FRMD6: variants seen among roughly 807,000 people sequenced by gnomAD.
FRMD6 encodes the protein FERM domain-containing protein 6.
FRMD6 carries 37 observed loss-of-function variants against 73.2 expected under a neutral mutation model. The observed-to-expected ratio is 0.51, with a 90% CI of 0.39 to 0.66. FRMD6 has a LOEUF of 0.66. FRMD6 is among the 30% of genes least tolerant of loss of function. FRMD6 has a pLI of 0.00. For missense variants in FRMD6, 714 were observed against 780.5 expected, an observed-to-expected ratio of 0.91 and a Z score of 1.02; for synonymous variants, 273 against 282.2, an observed-to-expected ratio of 0.97 and a Z score of 0.33.
intron 1 of FRMD6, among the ~76,000 whole-genome samples, chr14:51,512,088 C>T (rs113505596): frequency 5.5e-4 from 83 of 152,140 alleles, no homozygotes; most frequent in African/African-American, 1.8e-3. Context: ...GAAATGAAGA[C>T]GGCTAACTTT....
rs200846457 is a variant in FRMD6 at position 51,729,129 on chromosome 14, C to G, written c.*1100C>G. 8 of 152,252 alleles carry G rather than the reference C, an allele frequency of 5.3e-5. No homozygotes were observed. The East Asian group carries it at 1.4e-3, about 26-fold the overall frequency. 9.4% of individuals were successfully genotyped at this position (152,252 alleles called of 1,614,324 possible). ...CTCATGTGCCTTTGGCCATGATTCTCAACACTGATTGTATAACAGAATTTT... is the reference window on the plus strand; with the variant it reads ...CTCATGTGCCTTTGGCCATGATTCTGAACACTGATTGTATAACAGAATTTT... On this transcript the variant is annotated 3_prime_UTR_variant, in exon 14 of 14. Coordinates refer to ENST00000344768, the MANE Select transcript of FRMD6 (RefSeq NM_001267046.2).
the FRMD6 span, among the ~76,000 whole-genome samples, chr14:51,426,664 A>G: frequency 6.6e-6 from 1 of 152,218 alleles, no homozygotes; most frequent in African/African-American, 2.4e-5. Context: ...AAGAGATGCC[A>G]GGTACCGTGA....
the FRMD6 span, among the ~76,000 whole-genome samples, chr14:51,468,277 G>T: frequency 6.9e-6 from 1 of 145,812 alleles, no homozygotes; most frequent in Non-Finnish European, 1.5e-5. Flanking sequence ...AGAGGGAGAC[G>T]GTGCAAAGGG....
At chr14:51,675,299 A>G (rs1417105656) in intron 1 of FRMD6, among the ~76,000 whole-genome samples, 2 of 152,092 alleles carry the variant, frequency 1.3e-5, no homozygotes, top group Non-Finnish European at 2.9e-5. Flanking sequence ...TCTTGGATCC[A>G]TGTTTCTATG....
At chr14:51,607,483 GTTTCTCAAAT>G (rs1480012707) in intron 2 of FRMD6, among the ~76,000 whole-genome samples, 1 of 152,156 alleles carries the variant, frequency 6.6e-6, no homozygotes, top group East Asian at 1.9e-4. Flanking sequence ...CTAGGTTCAA[GTTTCTCAAAT>G]TTACTTGACC....
intron 2 of FRMD6, among the ~76,000 whole-genome samples, chr14:51,608,322 A>G (rs1890348133): frequency 6.6e-6 from 1 of 152,186 alleles, no homozygotes. Context: ...TGGTTCTGTG[A>G]CCACCAGCTC....
chr14:51,569,507 C>CTTTTTTTTTTT (rs34661155), intron 1 of FRMD6, among the ~76,000 whole-genome samples: 21 of 122,796 alleles, frequency 1.7e-4, no homozygotes, highest in East Asian at 2.3e-4. Flanking sequence ...TTCTTTCTTT[C>CTTTTTTTTTTT]TTTTTTTTTT....
At chr14:51,589,977 A>G (rs914246892) in intron 2 of FRMD6, among the ~76,000 whole-genome samples, 1 of 150,928 alleles carries the variant, frequency 6.6e-6, no homozygotes, top group African/African-American at 2.4e-5. Flanking sequence ...CTTAGGTAGG[A>G]GAATTGCTTG....
the FRMD6 span, among the ~76,000 whole-genome samples, chr14:51,425,082 C>T: frequency 6.6e-6 from 1 of 152,166 alleles, no homozygotes; most frequent in Non-Finnish European, 1.5e-5. Context: ...GCAGCATTTG[C>T]CCCCAGCCCT....
the FRMD6 span, among the ~76,000 whole-genome samples, chr14:51,479,905 G>C: frequency 6.6e-6 from 1 of 152,190 alleles, no homozygotes; most frequent in Non-Finnish European, 1.5e-5. Context: ...ACTGTGTATT[G>C]ACTTCGTGGG....
At chr14:51,619,709 T>C (rs1890852996) in intron 2 of FRMD6, among the ~76,000 whole-genome samples, 1 of 152,216 alleles carries the variant, frequency 6.6e-6, no homozygotes, top group African/African-American at 2.4e-5. Context: ...GTTTTGTGCC[T>C]TCTAGCAGCT....
At chr14:51,567,264 T>C (rs1001986473) in intron 1 of FRMD6, among the ~76,000 whole-genome samples, 1 of 152,212 alleles carries the variant, frequency 6.6e-6, no homozygotes, top group Middle Eastern at 3.2e-3. Context: ...TTGAAACGAG[T>C]GAAGGTCAAA....
At chr14:51,586,124 G>A (rs766216241) in intron 2 of FRMD6, among the ~76,000 whole-genome samples, 3 of 151,208 alleles carry the variant, frequency 2.0e-5, no homozygotes, top group Non-Finnish European at 3.0e-5. Flanking sequence ...TGGTTTAAAC[G>A]ATAGGTCTGT....
chr14:51,511,401 G>C (rs1207314302), intron 1 of FRMD6, among the ~76,000 whole-genome samples: 1 of 152,212 alleles, frequency 6.6e-6, no homozygotes, highest in African/African-American at 2.4e-5. Context: ...AGGGCAAAGT[G>C]ATGTATTAGG....
chr14:51,436,726 G>C, the FRMD6 span: 2 of 537,724 alleles, frequency 3.7e-6, no homozygotes. Flanking sequence ...ACCTATTACA[G>C]TACTACTTGG....
At chr14:51,544,612 T>C (rs1168019285) in intron 1 of FRMD6, among the ~76,000 whole-genome samples, 1 of 152,046 alleles carries the variant, frequency 6.6e-6, no homozygotes, top group Non-Finnish European at 1.5e-5. Flanking sequence ...AGTGCTTTCA[T>C]GTCTATTATC....
At chr14:51,687,178 A>G (rs1895222622) in intron 1 of FRMD6, among the ~76,000 whole-genome samples, 1 of 152,190 alleles carries the variant, frequency 6.6e-6, no homozygotes. Context: ...AACATCCCAC[A>G]GCTCAGAAGA....
At chr14:51,721,851 A>G in intron 11 of FRMD6, 98 bp from the exon 12 acceptor site, 2 of 1,393,264 alleles carry the variant, frequency 1.4e-6, no homozygotes, top group Non-Finnish European at 9.9e-7. Flanking sequence ...TTATTTTCAA[A>G]TAGGAATAAT....
chr14:51,502,048 C>A (rs1305523601), intron 1 of FRMD6, among the ~76,000 whole-genome samples: 4 of 152,268 alleles, frequency 2.6e-5, no homozygotes, highest in Middle Eastern at 3.4e-3. Flanking sequence ...TGTTCATGTC[C>A]TTTGCCCACT....
Sources: allele counts gnomAD v4.1 joint callset (sites outside exome capture counted in the v4.1 genomes callset), GRCh38; gene constraint gnomAD v4.1.1; transcripts MANE v1.5; gene names NCBI Gene and HGNC (gene_info 2026-07-23, HGNC 2026-07-21).